C1orf94: variants seen among roughly 807,000 people sequenced by gnomAD.
The protein encoded by C1orf94 is uncharacterized protein C1orf94.
In C1orf94, 45 loss-of-function variants were observed where a neutral mutation model predicts 53.6. That is an observed-to-expected ratio of 0.84 (90% CI 0.66 to 1.08). The LOEUF (loss-of-function observed/expected upper bound fraction) is 1.08, where lower values mean the gene tolerates loss of function less well. C1orf94 is among the 50% of genes least tolerant of loss of function. The probability of loss-of-function intolerance (pLI) is 0.00; values close to 1 mark genes in which losing one functional copy is unlikely to be tolerated. For synonymous variants in C1orf94, 304 were observed against 296.1 expected, an observed-to-expected ratio of 1.03 and a Z score of -0.27; for missense variants, 762 against 738.9, an observed-to-expected ratio of 1.03 and a Z score of -0.36.
At chr1:34,192,018 G>A (rs1276875684) in intron 1 of C1orf94, among the ~76,000 whole-genome samples, 2 of 152,184 alleles carry the variant, frequency 1.3e-5, no homozygotes, top group East Asian at 1.9e-4. Context: ...AACTGATTCT[G>A]ACTTGCTTCT....
At chr1:34,190,702 G>A (rs899380) in intron 1 of C1orf94, among the ~76,000 whole-genome samples, 20,644 of 152,150 alleles carry the variant, frequency 0.14, 1,958 homozygotes, top group African/African-American at 0.27. Flanking sequence ...GCATTGGAAC[G>A]AGATTGCCTC....
intron 2 of C1orf94, among the ~76,000 whole-genome samples, chr1:34,198,929 TTCTCCAGAA>T (rs1318024570): frequency 1.3e-5 from 2 of 152,218 alleles, no homozygotes; most frequent in Non-Finnish European, 2.9e-5. Flanking sequence ...CTCCTACCTC[TTCTCCAGAA>T]GGGACCCATA....
chr1:34,181,684 A>T (rs560510755), intron 1 of C1orf94, among the ~76,000 whole-genome samples: 2 of 152,314 alleles, frequency 1.3e-5, no homozygotes, highest in East Asian at 3.9e-4. Context: ...TGGTATTCCC[A>T]GTGGAGGAGA....
At chr1:34,170,744 C>CCTTTTTTTTTTTTTTTTTTTTTTT (rs1642134444) in intron 1 of C1orf94, among the ~76,000 whole-genome samples, 1 of 152,014 alleles carries the variant, frequency 6.6e-6, no homozygotes, top group African/African-American at 2.4e-5. Context: ...TTATCCACTT[C>CCTTTTTTTTTTTTTTTTTTTTTTT]TAGTTCTCCA....
At chr1:34,210,924 T>A (rs1196124137) in intron 5 of C1orf94, among the ~76,000 whole-genome samples, 1 of 152,048 alleles carries the variant, frequency 6.6e-6, no homozygotes, top group Non-Finnish European at 1.5e-5. Context: ...AAGTGCTCGG[T>A]TACAGGCGTG....
intron 3 of C1orf94, 78 bp from the exon 4 acceptor site, chr1:34,202,006 G>A (rs1557486239): frequency 6.9e-7 from 1 of 1,451,412 alleles, no homozygotes; most frequent in East Asian, 2.3e-5. Context: ...AATCCCTAAG[G>A]AAGTTGCGAT....
At chr1:34,182,288 G>T (rs1319058058) in intron 1 of C1orf94, among the ~76,000 whole-genome samples, 2 of 152,190 alleles carry the variant, frequency 1.3e-5, no homozygotes, top group Non-Finnish European at 1.5e-5. Context: ...GGAGGGATGG[G>T]GACATGGCCA....
intron 6 of C1orf94, among the ~76,000 whole-genome samples, chr1:34,212,856 C>T (rs564201991): frequency 1.3e-5 from 2 of 152,210 alleles, no homozygotes; most frequent in South Asian, 2.1e-4. Flanking sequence ...ATGGGCCCTG[C>T]GGAAGAGCCT....
At chr1:34,214,718 T>C (rs719769) in intron 6 of C1orf94, among the ~76,000 whole-genome samples, 119,684 of 152,154 alleles carry the variant, frequency 0.79, 47,241 homozygotes, top group South Asian at 0.87. Flanking sequence ...GGTCTCCACA[T>C]GTCTGCAGAG....
chr1:34,168,474 T>C (rs1642086683), intron 1 of C1orf94, among the ~76,000 whole-genome samples: 1 of 151,984 alleles, frequency 6.6e-6, no homozygotes, highest in Non-Finnish European at 1.5e-5. Flanking sequence ...TAGGGTCTAT[T>C]AGGGGATGGC....
intron 5 of C1orf94, among the ~76,000 whole-genome samples, chr1:34,210,308 A>G (rs906120101): frequency 6.6e-5 from 10 of 152,114 alleles, no homozygotes; most frequent in Admixed American, 3.3e-4. Flanking sequence ...TTAGCTCATC[A>G]CCTTGGGATT....
At chr1:34,184,078 TG>T (rs1463481663) in intron 1 of C1orf94, among the ~76,000 whole-genome samples, 1 of 152,158 alleles carries the variant, frequency 6.6e-6, no homozygotes, top group African/African-American at 2.4e-5. Context: ...ACTACTGGAC[TG>T]GGCTTGGTAC....
At chr1:34,187,766 C>T (rs1571339050) in intron 1 of C1orf94, among the ~76,000 whole-genome samples, 2 of 10,658 alleles carry the variant, frequency 1.9e-4, no homozygotes, top group African/African-American at 3.9e-4. Flanking sequence ...ACTGAATCCA[C>T]CCACCCCCCC....
chr1:34,202,850 T>C (rs1642734212), intron 4 of C1orf94, among the ~76,000 whole-genome samples: 1 of 152,124 alleles, frequency 6.6e-6, no homozygotes, highest in Admixed American at 6.6e-5. Context: ...TCAACCAATC[T>C]TGGATGGAAA....
intron 5 of C1orf94, among the ~76,000 whole-genome samples, chr1:34,209,898 A>G (rs1642863271): frequency 6.6e-6 from 1 of 152,232 alleles, no homozygotes; most frequent in Non-Finnish European, 1.5e-5. Context: ...TGAAAAAAGT[A>G]ATATAAAAAC....
upstream of C1orf94, among the ~76,000 whole-genome samples, chr1:34,172,361 G>C (rs200707114): frequency 1.8e-4 from 28 of 152,330 alleles, no homozygotes; most frequent in East Asian, 5.0e-3. Context: ...AATAGCTAGT[G>C]ATAATCATAA....
rs924068847 is a variant in C1orf94 at position 34,213,643 on chromosome 1, C to T, written c.1721+1237C>T. On this transcript the variant is annotated intron_variant, in intron 6 of 6. Transcript: ENST00000488417. ...GCAATCTCCGCCTCCCAGGTTCAAG[C>T]GATTATCTCACCTCAGCCTTCCGAG... Among the ~76,000 whole-genome samples the T allele has an allele frequency of 5.3e-5, 8 of 152,048 alleles. No homozygotes were observed. The South Asian group carries it at 1.0e-3, about 20-fold the overall frequency.
intron 1 of C1orf94, among the ~76,000 whole-genome samples, chr1:34,189,836 C>T (rs1425217445): frequency 1.3e-5 from 2 of 152,238 alleles, no homozygotes; most frequent in Non-Finnish European, 2.9e-5. Flanking sequence ...GCCTCTGGCC[C>T]TGCCTGAAAC....
intron 1 of C1orf94, among the ~76,000 whole-genome samples, chr1:34,183,864 A>G (rs1642346564): frequency 1.3e-5 from 2 of 152,168 alleles, no homozygotes; most frequent in Middle Eastern, 3.2e-3. Context: ...CTCAAAAAAA[A>G]AAAAAAATTA....
Sources: gnomAD v4.1 joint callset for allele counts (sites outside exome capture counted in the v4.1 genomes callset) on GRCh38, gnomAD v4.1.1 for gene constraint, MANE v1.5 for transcripts, NCBI Gene and HGNC (gene_info 2026-07-23, HGNC 2026-07-21) for gene names.